The following MTUS1 variants were observed in gnomAD, a reference collection of about 807,000 sequenced individuals.
The protein encoded by MTUS1 is microtubule associated scaffold protein 1.
Under a neutral mutation model 120.8 loss-of-function variants are expected in MTUS1, and 109 were observed. The ratio of observed to expected loss-of-function variants is 0.90; its 90% CI spans 0.77 to 1.06. The LOEUF is 1.06. Among genes scored for constraint, MTUS1 ranks in the 50% least tolerant of loss-of-function variants. MTUS1 has a pLI of 0.00. For missense variants in MTUS1, 2,210 were observed against 1,486.3 expected, an observed-to-expected ratio of 1.49 and a Z score of -8.01; for synonymous variants, 737 against 550.5, an observed-to-expected ratio of 1.34 and a Z score of -4.74.
At chr8:17,692,607 A>G (rs528171421) in intron 6 of MTUS1, among the ~76,000 whole-genome samples, 1 of 152,332 alleles carries the variant, frequency 6.6e-6, no homozygotes, top group South Asian at 2.1e-4. Context: ...GTTACTGAAC[A>G]CTTCTTTAAA....
chr8:17,773,936 T>C (rs187088498), intron 1 of MTUS1, among the ~76,000 whole-genome samples: 12 of 152,222 alleles, frequency 7.9e-5, no homozygotes, highest in Admixed American at 5.2e-4. Flanking sequence ...TATATAAAAA[T>C]AAGACTAGGA....
At chr8:17,751,734 T>C (rs11203909) in intron 2 of MTUS1, among the ~76,000 whole-genome samples, 14,833 of 151,428 alleles carry the variant, frequency 0.098, 825 homozygotes, top group South Asian at 0.16. Context: ...GGTGCACGCC[T>C]GTAGTCCCAG....
intron 6 of MTUS1, among the ~76,000 whole-genome samples, chr8:17,711,596 T>C (rs1821313447): frequency 6.6e-6 from 1 of 152,206 alleles, no homozygotes; most frequent in Non-Finnish European, 1.5e-5. Context: ...ACTTTCTCTC[T>C]GCCGGGAGTC....
intron 1 of MTUS1, among the ~76,000 whole-genome samples, chr8:17,771,742 T>C (rs2050038922): frequency 6.6e-6 from 1 of 152,208 alleles, no homozygotes; most frequent in East Asian, 1.9e-4. Context: ...TTTTACTATT[T>C]TCCGATAAAC....
chr8:17,768,383 A>G (rs1428951909), intron 1 of MTUS1, among the ~76,000 whole-genome samples: 3 of 152,248 alleles, frequency 2.0e-5, no homozygotes, highest in African/African-American at 7.2e-5. Context: ...GTTAAAATGA[A>G]TAATTTATTA....
At chr8:17,647,109 T>C (rs771056590) in intron 13 of MTUS1, 30 bp from the exon 14 acceptor site, 8 of 1,558,832 alleles carry the variant, frequency 5.1e-6, no homozygotes, top group Non-Finnish European at 5.3e-6. Flanking sequence ...CCAACATTTA[T>C]ACAATATTAA....
chr8:17,742,269 G>GTTTTTTTTTTTTTTTTTTTTT, intron 3 of MTUS1, among the ~76,000 whole-genome samples: 1 of 94,908 alleles, frequency 1.1e-5, no homozygotes, highest in African/African-American at 4.3e-5. Flanking sequence ...ATGCCCAGCT[G>GTTTTTTTTTTTTTTTTTTTTT]TTTTTTTTTT....
At chr8:17,664,855 T>TA (rs1357293727) in intron 8 of MTUS1, among the ~76,000 whole-genome samples, 3 of 152,074 alleles carry the variant, frequency 2.0e-5, no homozygotes, top group Non-Finnish European at 4.4e-5. Context: ...ACTGAACAAG[T>TA]AACCAAGAAG....
chr8:17,737,789 A>C (rs989495220), intron 3 of MTUS1, among the ~76,000 whole-genome samples: 25 of 152,256 alleles, frequency 1.6e-4, no homozygotes, highest in African/African-American at 6.0e-4. Flanking sequence ...GTCCGGCCTC[A>C]ACTTGGCTTT....
intron 8 of MTUS1, among the ~76,000 whole-genome samples, chr8:17,674,062 T>G (rs1563177651): frequency 6.6e-6 from 1 of 152,104 alleles, no homozygotes; most frequent in Non-Finnish European, 1.5e-5. Flanking sequence ...AGCAGGAAGT[T>G]GATTCTCTAG....
At chr8:17,768,905 T>G (rs1222139701) in intron 1 of MTUS1, among the ~76,000 whole-genome samples, 1 of 152,194 alleles carries the variant, frequency 6.6e-6, no homozygotes, top group African/African-American at 2.4e-5. Flanking sequence ...TTGTTTACAC[T>G]TCTGGAGTTT....
At chr8:17,705,329 G>A (rs762105120) in intron 6 of MTUS1, among the ~76,000 whole-genome samples, 14 of 151,994 alleles carry the variant, frequency 9.2e-5, no homozygotes, top group Non-Finnish European at 1.3e-4. Flanking sequence ...ATTATTAATC[G>A]TTTCTATTAT....
chr8:17,646,884 T>C (rs1805904010), intron 14 of MTUS1, 98 bp downstream of exon 14: 1 of 800,648 alleles, frequency 1.2e-6, no homozygotes, highest in African/African-American at 1.7e-5. Context: ...GCTTCCATCA[T>C]ATTTCCAGGA....
chr8:17,650,033 T>C, intron 12 of MTUS1, 71 bp from the exon 13 acceptor site: 1 of 851,310 alleles, frequency 1.2e-6, no homozygotes, highest in Non-Finnish European at 2.0e-6. Context: ...GAATCTTTGA[T>C]TAGATTGAGA....
At position 17,675,251 on chromosome 8, in the gene MTUS1, C is replaced by A; in HGVS notation, c.2840G>T (p.Arg947Leu). 2 of 1,614,020 alleles carry A rather than the reference C, an allele frequency of 1.2e-6. No homozygotes were observed. Among genetic ancestry groups the A allele is most frequent in the South Asian group, 1.1e-5 (1 of 91,032 alleles). The stretch of plus-strand genomic sequence containing the variant: ...TTTGTGTTGTTTCAGTGCTTCCTCC[C>A]GCTGCGGAAAACACACATCAAGTTA... ...TVVIQHLLSEREEALKQHKTL... is the reference protein window; with the variant it reads ...TVVIQHLLSELEEALKQHKTL... The change falls in exon 8 of 15, where the codon CGG becomes CTG. Residue 947 changes from arginine to leucine, a missense_variant and splice_region_variant. Physicochemically the swap from Arg to Leu is moderately radical, Grantham distance 102. Coordinates refer to ENST00000693296, the MANE Select transcript of MTUS1 (RefSeq NM_001363059.2).
intron 1 of MTUS1, among the ~76,000 whole-genome samples, chr8:17,760,132 C>T (rs1012074823): frequency 6.6e-6 from 1 of 151,018 alleles, no homozygotes; most frequent in Non-Finnish European, 1.5e-5. Context: ...GAAAGGATCA[C>T]CTGGGCCCAG....
intron 3 of MTUS1, among the ~76,000 whole-genome samples, chr8:17,737,261 C>A (rs1460501903): frequency 6.6e-6 from 1 of 152,190 alleles, no homozygotes; most frequent in Non-Finnish European, 1.5e-5. Context: ...TCAAATTCCT[C>A]ATCTGTAGAA....
intron 6 of MTUS1, among the ~76,000 whole-genome samples, chr8:17,704,985 T>C (rs1203569902): frequency 6.6e-6 from 1 of 152,156 alleles, no homozygotes; most frequent in Non-Finnish European, 1.5e-5. Context: ...ATGATTTTTA[T>C]TCTTTTTATT....
At chr8:17,733,512 T>A (rs958494690) in intron 3 of MTUS1, among the ~76,000 whole-genome samples, 2 of 152,194 alleles carry the variant, frequency 1.3e-5, no homozygotes, top group Non-Finnish European at 2.9e-5. Context: ...TTTCTCACTT[T>A]TAATTTAAAA....
Sources: allele counts gnomAD v4.1 joint callset (sites outside exome capture counted in the v4.1 genomes callset), GRCh38; gene constraint gnomAD v4.1.1; transcripts MANE v1.5; gene names NCBI Gene and HGNC (gene_info 2026-07-23, HGNC 2026-07-21).